The following ZMYND8 variants were observed in gnomAD, a reference collection of about 807,000 sequenced individuals.
ZMYND8 encodes MYND-type zinc finger-containing chromatin reader ZMYND8.
ZMYND8 carries 37 observed loss-of-function variants against 140.8 expected under a neutral mutation model. The ratio of observed to expected loss-of-function variants is 0.26; its 90% CI spans 0.20 to 0.35. The LOEUF is 0.35. Ranked by LOEUF, ZMYND8 falls within the 10% of genes least tolerant of loss-of-function variation. The pLI is 1.00. For missense variants in ZMYND8, 1,068 were observed against 1,570.0 expected (o/e 0.68, Z 5.40); for synonymous variants, 592 against 597.1 (o/e 0.99, Z 0.12).
chr20:47,302,629 TTGG>T (rs777619115), intron 3 of ZMYND8, among the ~76,000 whole-genome samples: 6 of 152,162 alleles, frequency 3.9e-5, no homozygotes, highest in Non-Finnish European at 5.9e-5. Context: ...ACTTGGTTAC[TTGG>T]TTAAAGATAT....
intron 3 of ZMYND8, among the ~76,000 whole-genome samples, chr20:47,302,998 G>C (rs1190859272): frequency 6.6e-6 from 1 of 152,018 alleles, no homozygotes; most frequent in Non-Finnish European, 1.5e-5. Flanking sequence ...CTAGATTCCA[G>C]TAATACTCTA....
intron 2 of ZMYND8, among the ~76,000 whole-genome samples, chr20:47,311,338 G>A (rs1051896927): frequency 2.0e-5 from 3 of 152,200 alleles, no homozygotes; most frequent in South Asian, 4.2e-4. Context: ...AGCCAGGCAC[G>A]GTGGCTCACA....
rs755391389 is a variant in ZMYND8, at chr20:47,249,455, A to G, written c.1622-16T>C. The stretch of plus-strand genomic sequence containing the variant: ...TTGCTTCGATCTGAAAGAAACCATC[A>G]CACCCTCGTAAGATCAGGCACACAC... On this transcript the variant is annotated splice_polypyrimidine_tract_variant and intron_variant, in intron 12 of 22. Coordinates refer to ENST00000471951, the MANE Select transcript of ZMYND8 (RefSeq NM_001281775.3). The G allele has an allele frequency of 6.2e-7, 1 of 1,613,308 alleles. No homozygotes were observed. Among genetic ancestry groups the G allele is most frequent in the Non-Finnish European group, 8.5e-7 (1 of 1,179,438 alleles).
chr20:47,251,974 AGTTT>A (rs1214282322), intron 12 of ZMYND8, among the ~76,000 whole-genome samples: 4 of 151,954 alleles, frequency 2.6e-5, no homozygotes, highest in African/African-American at 9.7e-5. Flanking sequence ...TTAAATTAAA[AGTTT>A]ATTTAAAAAA....
chr20:47,232,702 A>T (rs2038675146), intron 16 of ZMYND8, among the ~76,000 whole-genome samples: 1 of 152,100 alleles, frequency 6.6e-6, no homozygotes, highest in African/African-American at 2.4e-5. Context: ...AAATCAAGGG[A>T]AGGTGATGTA....
At chr20:47,278,640 A>G (rs1288154977) in intron 10 of ZMYND8, among the ~76,000 whole-genome samples, 4 of 152,156 alleles carry the variant, frequency 2.6e-5, no homozygotes, top group African/African-American at 9.7e-5. Context: ...TCGTAACACA[A>G]ACTAAAACTA....
intron 2 of ZMYND8, among the ~76,000 whole-genome samples, chr20:47,344,306 T>C (rs915836961): frequency 3.9e-5 from 6 of 152,164 alleles, no homozygotes; most frequent in Admixed American, 3.9e-4. Context: ...TAATAATACA[T>C]ACCCTTGATG....
intron 16 of ZMYND8, among the ~76,000 whole-genome samples, chr20:47,230,815 C>T (rs2147076734): frequency 6.6e-6 from 1 of 152,228 alleles, no homozygotes. Context: ...AAATCCCACT[C>T]CCCCGGCCTT....
intron 2 of ZMYND8, among the ~76,000 whole-genome samples, chr20:47,343,828 G>A (rs1294640177): frequency 1.3e-5 from 2 of 152,082 alleles, no homozygotes; most frequent in South Asian, 2.1e-4. Context: ...CTCTGCTTTC[G>A]AGGAGGTGGA....
intron 11 of ZMYND8, among the ~76,000 whole-genome samples, chr20:47,271,454 T>C (rs562002274): frequency 2.0e-5 from 3 of 152,338 alleles, no homozygotes; most frequent in Admixed American, 1.3e-4. Context: ...TACACCCATA[T>C]GCACACAAAA....
At chr20:47,267,829 T>C (rs940393001) in intron 11 of ZMYND8, among the ~76,000 whole-genome samples, 4 of 152,234 alleles carry the variant, frequency 2.6e-5, no homozygotes, top group African/African-American at 9.6e-5. Context: ...CAAGCCTTTG[T>C]GCCTGAGGTT....
chr20:47,219,673 G>C (rs1236714730), intron 21 of ZMYND8, among the ~76,000 whole-genome samples: 3 of 152,026 alleles, frequency 2.0e-5, no homozygotes, highest in Admixed American at 1.3e-4. Flanking sequence ...AGAAAGTGCA[G>C]GAAAAAGATT....
At chr20:47,349,012 G>A (rs1221202020) in intron 1 of ZMYND8, 1 of 152,204 alleles carries the variant, frequency 6.6e-6, no homozygotes, top group Non-Finnish European at 1.5e-5. Context: ...CTCAACGCCA[G>A]GACAGGAAGG....
intron 1 of ZMYND8, chr20:47,354,447 G>A (rs2083051250): frequency 6.6e-6 from 1 of 152,192 alleles, no homozygotes; most frequent in Non-Finnish European, 1.5e-5. Flanking sequence ...AAAGAAAATA[G>A]CTGAGTGTCT....
At chr20:47,316,667 C>A (rs1307394321) in intron 2 of ZMYND8, among the ~76,000 whole-genome samples, 1 of 151,634 alleles carries the variant, frequency 6.6e-6, no homozygotes, top group Non-Finnish European at 1.5e-5. Context: ...TGGTGGTGTG[C>A]GCCTGTAATC....
chr20:47,299,696 G>C (rs1352230189), intron 3 of ZMYND8, among the ~76,000 whole-genome samples: 2 of 151,976 alleles, frequency 1.3e-5, no homozygotes, highest in Non-Finnish European at 2.9e-5. Context: ...CCATTCTCCT[G>C]CCTCAGCCTC....
chr20:47,242,279 A>T (rs2040066519), intron 14 of ZMYND8, among the ~76,000 whole-genome samples: 1 of 152,152 alleles, frequency 6.6e-6, no homozygotes, highest in South Asian at 2.1e-4. Context: ...GGTTATCGAG[A>T]TGTTGCTGGC....
Position 47,246,481 on chromosome 20 carries a change from A to G in ZMYND8, c.1811T>C (p.Val604Ala), listed in dbSNP as rs1334066248. The change falls in exon 14 of 23, where the codon GTA becomes GCA. Residue 604 changes from valine to alanine, a missense_variant. Transcript: ENST00000471951. ...NEISEDVYTA[V>A]EHSDSEDSEK... ...AGAATCCTCCGAATCGCTGTGCTCT[A>G]CGGCCGTATAGACATCTTCCGAGAT... The G allele has an allele frequency of 4.3e-6, 7 of 1,611,792 alleles. No individual in the cohort carries two copies. Among genetic ancestry groups the G allele is most frequent in the Admixed American group, 3.3e-5 (2 of 59,750 alleles).
rs567175184 is a variant in ZMYND8, at chr20:47,262,335, T to A, written c.1574A>T (p.Lys525Ile). The change falls in exon 12 of 23, where the codon AAA becomes ATA. Residue 525 changes from lysine to isoleucine, a missense_variant. Lys to Ile is a moderately radical substitution (Grantham distance 102, BLOSUM62 -3). This residue lies in a region of ZMYND8 where 173 missense variants were observed against 223.3 expected (regional missense o/e 0.77). Coordinates refer to ENST00000471951, the MANE Select transcript of ZMYND8 (RefSeq NM_001281775.3). ...GCCGGTGGTGGAGGTTTTGTCCGTTTTCGTCGTGATAGGAGCTGACAGTTG... is the reference window on the plus strand; with the variant it reads ...GCCGGTGGTGGAGGTTTTGTCCGTTATCGTCGTGATAGGAGCTGACAGTTG... ...SPQLSAPITT[K>I]TDKTSTTGSI... 1.7e-5 allele frequency: 28 copies of A among 1,613,994 alleles called. No individual in the cohort carries two copies. Among genetic ancestry groups the A allele is most frequent in the East Asian group, 4.5e-5 (2 of 44,852 alleles).
Sources: allele counts gnomAD v4.1 joint callset (sites outside exome capture counted in the v4.1 genomes callset), GRCh38; gene constraint gnomAD v4.1.1; regional missense constraint gnomAD v4.1.1; transcripts MANE v1.5; gene names NCBI Gene and HGNC (gene_info 2026-07-23, HGNC 2026-07-21).